The following DLG2 variants were observed in gnomAD, a reference collection of about 807,000 sequenced individuals.
The protein encoded by DLG2 is discs large MAGUK scaffold protein 2, also known as disks large homolog 2.
DLG2 carries 45 observed loss-of-function variants against 132.5 expected under a neutral mutation model. That is an observed-to-expected ratio of 0.34 (90% CI 0.27 to 0.44). DLG2 has a LOEUF of 0.44. DLG2 is among the 20% of genes least tolerant of loss of function. DLG2 has a pLI of 1.00. For missense variants in DLG2, 1,045 were observed against 1,196.9 expected (o/e 0.87, Z 1.87); for synonymous variants, 424 against 419.6 (o/e 1.01, Z -0.13).
chr11:84,685,482 TC>T (rs750744757), intron 6 of DLG2, among the ~76,000 whole-genome samples: 4 of 152,176 alleles, frequency 2.6e-5, no homozygotes, highest in Non-Finnish European at 4.4e-5. Flanking sequence ...ACAGCCTATC[TC>T]CCAGATCCAA....
intron 15 of DLG2, among the ~76,000 whole-genome samples, chr11:83,904,188 G>A (rs1384752): frequency 1.3e-5 from 2 of 151,930 alleles, no homozygotes; most frequent in South Asian, 2.1e-4. Flanking sequence ...GGGATTATTC[G>A]GGTCCTGGGC....
intron 18 of DLG2, among the ~76,000 whole-genome samples, chr11:83,732,392 C>A (rs1032233432): frequency 1.3e-5 from 2 of 152,082 alleles, no homozygotes; most frequent in South Asian, 4.2e-4. Flanking sequence ...AGCTTAATAC[C>A]TACCAAGGTA....
At chr11:84,153,780 G>A (rs1487451821) in intron 9 of DLG2, among the ~76,000 whole-genome samples, 1 of 152,110 alleles carries the variant, frequency 6.6e-6, no homozygotes, top group Non-Finnish European at 1.5e-5. Context: ...CCTGAATCTT[G>A]TTGTGTTTCC....
At chr11:85,067,816 C>T (rs1195353454) in intron 6 of DLG2, among the ~76,000 whole-genome samples, 5 of 151,970 alleles carry the variant, frequency 3.3e-5, no homozygotes, top group African/African-American at 1.2e-4. Context: ...CCAGCATCAT[C>T]CTGATACCAA....
chr11:83,630,612 G>A lies in DLG2; in HGVS notation c.1940+2599C>T, dbSNP rs1019846826. Among the ~76,000 whole-genome samples, 3 of 152,292 alleles carry A rather than the reference G, an allele frequency of 2.0e-5. No individual in the cohort carries two copies. The East Asian group carries it at 5.8e-4, about 29-fold the overall frequency. The stretch of plus-strand genomic sequence containing the variant: ...TTCCTTAATCAAAGAGTCCAGCACT[G>A]TGCTGACAGAAGCAGATTGGGAATC... On this transcript the variant is annotated intron_variant, in intron 19 of 27. Transcript: ENST00000376104.
At chr11:85,492,778 G>C (rs1275845691) in intron 3 of DLG2, among the ~76,000 whole-genome samples, 2 of 149,358 alleles carry the variant, frequency 1.3e-5, no homozygotes, top group East Asian at 3.9e-4. Context: ...ACCTTAAAAG[G>C]ATAAACAATG....
intron 16 of DLG2, among the ~76,000 whole-genome samples, chr11:83,856,234 T>C (rs549341907): frequency 4.6e-5 from 7 of 152,236 alleles, no homozygotes; most frequent in South Asian, 2.1e-4. Flanking sequence ...CAGTCTATCA[T>C]TGATGGGCAT....
intron 3 of DLG2, among the ~76,000 whole-genome samples, chr11:85,580,109 CTCTT>C (rs1314838890): frequency 6.6e-6 from 1 of 152,202 alleles, no homozygotes; most frequent in African/African-American, 2.4e-5. Flanking sequence ...CACTCTCTCT[CTCTT>C]TGCCTGCCAC....
chr11:84,208,023 A>G (rs2096697414), intron 8 of DLG2, among the ~76,000 whole-genome samples: 1 of 152,194 alleles, frequency 6.6e-6, no homozygotes, highest in African/African-American at 2.4e-5. Flanking sequence ...CTGAAATAAA[A>G]GTTTTTTTAA....
At position 84,469,248 on chromosome 11, in the gene DLG2, C is replaced by T. The variant is rs150500222; in HGVS notation, c.519+65322G>A. ...GAAGAGGAATGAGTTTGAGGAAGAA[C>T]ACACTGAAGGAATAGAGAAAGTTGA... On this transcript the variant is annotated intron_variant, in intron 7 of 27. Coordinates refer to ENST00000376104, the MANE Select transcript of DLG2 (RefSeq NM_001142699.3). Among the ~76,000 whole-genome samples the T allele has an allele frequency of 1.3e-3, 193 of 151,662 alleles. 2 individuals are homozygous for T. Among genetic ancestry groups the T allele is most frequent in the Non-Finnish European group, 2.0e-3 (136 of 67,690 alleles).
At chr11:83,918,702 A>G (rs79139328) in intron 15 of DLG2, among the ~76,000 whole-genome samples, 2,759 of 152,278 alleles carry the variant, frequency 0.018, 89 homozygotes, top group African/African-American at 0.063. Flanking sequence ...AGTGAAGTAA[A>G]GTCCCTGCCT....
intron 18 of DLG2, among the ~76,000 whole-genome samples, chr11:83,640,444 C>T (rs1307969910): frequency 1.3e-5 from 2 of 152,160 alleles, no homozygotes; most frequent in Non-Finnish European, 2.9e-5. Context: ...AAATGGTTTA[C>T]ATCTATTCTT....
chr11:83,566,315 T>C (rs562999079), intron 19 of DLG2, among the ~76,000 whole-genome samples: 132 of 152,286 alleles, frequency 8.7e-4, no homozygotes, highest in African/African-American at 3.1e-3. Context: ...TGGGTGCCTG[T>C]CCTGAAGCCT....
At chr11:83,540,307 T>C (rs1239902875) in intron 20 of DLG2, among the ~76,000 whole-genome samples, 1 of 152,218 alleles carries the variant, frequency 6.6e-6, no homozygotes, top group Non-Finnish European at 1.5e-5. Flanking sequence ...GCTTTAAACA[T>C]GTAACCTTTC....
intron 6 of DLG2, among the ~76,000 whole-genome samples, chr11:84,848,627 A>G (rs918818839): frequency 1.3e-5 from 2 of 152,200 alleles, no homozygotes; most frequent in African/African-American, 4.8e-5. Flanking sequence ...TGGGAGAAAG[A>G]TAACTTGTGT....
intron 7 of DLG2, among the ~76,000 whole-genome samples, chr11:84,312,806 T>C (rs1266327055): frequency 6.6e-6 from 1 of 152,074 alleles, no homozygotes; most frequent in African/African-American, 2.4e-5. Context: ...TTTTTTATTA[T>C]TATTAGTAGT....
chr11:85,497,677 G>C (rs1296392168), intron 3 of DLG2, among the ~76,000 whole-genome samples: 1 of 152,110 alleles, frequency 6.6e-6, no homozygotes, highest in African/African-American at 2.4e-5. Flanking sequence ...GGTAACCAGA[G>C]AGAAAGGTCA....
intron 6 of DLG2, among the ~76,000 whole-genome samples, chr11:84,544,042 C>G (rs944483016): frequency 1.3e-5 from 2 of 152,164 alleles, no homozygotes; most frequent in Non-Finnish European, 2.9e-5. Context: ...ATTCTAAGAT[C>G]CTTTTTAAGG....
intron 3 of DLG2, among the ~76,000 whole-genome samples, chr11:85,396,265 T>A (rs958033340): frequency 6.6e-6 from 1 of 152,008 alleles, no homozygotes; most frequent in Non-Finnish European, 1.5e-5. Context: ...CGAAACCCCA[T>A]CTTTAGGACA....
Sources: gnomAD v4.1 joint callset for allele counts (sites outside exome capture counted in the v4.1 genomes callset) on GRCh38, gnomAD v4.1.1 for gene constraint, MANE v1.5 for transcripts, NCBI Gene and HGNC (gene_info 2026-07-23, HGNC 2026-07-21) for gene names.